The following PIGU variants were observed in gnomAD, a reference collection of about 807,000 sequenced individuals.
The protein encoded by PIGU is phosphatidylinositol glycan anchor biosynthesis class U.
PIGU carries 24 observed loss-of-function variants against 49.9 expected under a neutral mutation model. That is an observed-to-expected ratio of 0.48 (90% CI 0.35 to 0.68). The LOEUF (loss-of-function observed/expected upper bound fraction) is 0.68. Ranked by LOEUF, PIGU falls within the 30% of genes least tolerant of loss-of-function variation. The pLI, the probability that PIGU is intolerant of heterozygous loss-of-function variation, is 0.01. For synonymous variants in PIGU, 220 were observed against 205.7 expected (o/e 1.07, Z -0.59); for missense variants, 490 against 532.6 (o/e 0.92, Z 0.79).
chr20:34,650,658 C>CTCTTATTA (rs1986503462), intron 2 of PIGU, among the ~76,000 whole-genome samples: 1 of 126,640 alleles, frequency 7.9e-6, no homozygotes, highest in Non-Finnish European at 1.7e-5. Flanking sequence ...TTTTTTCTGT[C>CTCTTATTA]TCTTATTATG....
chr20:34,608,280 T>C (rs912972350), intron 7 of PIGU, among the ~76,000 whole-genome samples: 9 of 151,914 alleles, frequency 5.9e-5, no homozygotes, highest in Non-Finnish European at 1.3e-4. Context: ...CACCATGTTG[T>C]CCAGGCTGGT....
chr20:34,649,327 C>T (rs1600659617), intron 2 of PIGU, among the ~76,000 whole-genome samples: 1 of 152,050 alleles, frequency 6.6e-6, no homozygotes, highest in East Asian at 1.9e-4. Context: ...TGTCTCTTCT[C>T]CCATTCTAGA....
chr20:34,675,540 T>G (rs1485280547), intron 1 of PIGU, among the ~76,000 whole-genome samples: 1 of 152,224 alleles, frequency 6.6e-6, no homozygotes, highest in Non-Finnish European at 1.5e-5. Context: ...TTAACTTCTC[T>G]AAATTTCAGT....
At chr20:34,567,980 G>C (rs1044603719) in intron 11 of PIGU, among the ~76,000 whole-genome samples, 2 of 152,164 alleles carry the variant, frequency 1.3e-5, no homozygotes, top group East Asian at 1.9e-4. Flanking sequence ...AGGCTGCCCT[G>C]TCCTGCCCAT....
At chr20:34,563,047 T>A (rs1309067490) in intron 11 of PIGU, among the ~76,000 whole-genome samples, 1 of 152,186 alleles carries the variant, frequency 6.6e-6, no homozygotes, top group African/African-American at 2.4e-5. Flanking sequence ...AAAGATTAGG[T>A]TATTAGGTTG....
At chr20:34,594,634 C>T (rs987335211) in intron 7 of PIGU, among the ~76,000 whole-genome samples, 19 of 152,068 alleles carry the variant, frequency 1.2e-4, no homozygotes, top group African/African-American at 3.9e-4. Flanking sequence ...CTTAACTGGG[C>T]GTGGTGGCAG....
chr20:34,579,158 T>C (rs930177605), intron 10 of PIGU: 1 of 152,208 alleles, frequency 6.6e-6, no homozygotes, highest in African/African-American at 2.4e-5. Context: ...TATGTATATC[T>C]ATCAACATTC....
intron 6 of PIGU, among the ~76,000 whole-genome samples, chr20:34,618,920 A>C (rs1397520230): frequency 1.3e-5 from 2 of 152,250 alleles, no homozygotes; most frequent in East Asian, 3.8e-4. Context: ...TATTGATGAG[A>C]TCTTTCACCA....
chr20:34,646,334 T>C (rs751087914), intron 2 of PIGU, among the ~76,000 whole-genome samples: 19 of 152,234 alleles, frequency 1.2e-4, no homozygotes, highest in Non-Finnish European at 2.1e-4. Context: ...AAATTGTTCA[T>C]AGTATTTCAT....
chr20:34,574,147 A>G (rs555743408), intron 11 of PIGU, among the ~76,000 whole-genome samples: 1 of 152,354 alleles, frequency 6.6e-6, no homozygotes, highest in South Asian at 2.1e-4. Flanking sequence ...TTCCACTACG[A>G]GGCCAGAGCC....
chr20:34,645,294 T>C lies in PIGU; in HGVS notation c.236A>G (p.Tyr79Cys), dbSNP rs371365328. ...ACTTACCATAAACACCAATTCAGCA[T>C]AGTCAATTAGGAAATGAAAGAGGTA... ...IIYLFHFLID[Y>C]AELVFMITDA... The change falls in exon 3 of 12, where the codon TAT (tyrosine) becomes TGT (cysteine). Residue 79 changes from tyrosine to cysteine, a missense_variant. Physicochemically the swap from Tyr to Cys is radical, Grantham distance 194. Coordinates refer to ENST00000217446, the MANE Select transcript of PIGU (RefSeq NM_080476.5). 6.3e-6 allele frequency: 10 copies of C among 1,578,500 alleles called. No individual in the cohort carries two copies. In the African/African-American group the frequency reaches 9.7e-5, roughly 15 times the overall value.
chr20:34,582,334 T>C (rs1049333841), intron 9 of PIGU, among the ~76,000 whole-genome samples: 7 of 152,332 alleles, frequency 4.6e-5, no homozygotes, highest in South Asian at 2.1e-4. Context: ...GTAAAGTCCT[T>C]TTCCTGCATC....
rs1349026985 is a variant in PIGU at position 34,654,544 on chromosome 20, T to C, written c.195+2636A>G. On this transcript the variant is annotated intron_variant, in intron 2 of 11. Coordinates refer to ENST00000217446, the MANE Select transcript of PIGU (RefSeq NM_080476.5). ...ACCTGTTTCTGCCAGTAGTTCTTGT[T>C]ATTGCAGTTTGATTAGATATTAACC... Among the ~76,000 whole-genome samples the C allele has an allele frequency of 1.7e-5, 2 of 118,732 alleles. 1 individual carries two copies. The highest frequency in any genetic ancestry group is 3.6e-5 in the Non-Finnish European group (2 of 55,886). 77.9% of individuals were successfully genotyped at this position (118,732 alleles called of 152,430 possible).
intron 11 of PIGU, among the ~76,000 whole-genome samples, chr20:34,561,373 C>G (rs1017592250): frequency 3.3e-5 from 5 of 152,204 alleles, no homozygotes; most frequent in African/African-American, 1.2e-4. Context: ...TCCATGCCCC[C>G]ATCTTCCAGC....
chr20:34,669,064 T>C (rs893798096), intron 1 of PIGU, among the ~76,000 whole-genome samples: 3 of 151,678 alleles, frequency 2.0e-5, no homozygotes, highest in Non-Finnish European at 4.4e-5. Context: ...TTTTTTAATT[T>C]TATGTAGAGA....
At chr20:34,629,018 C>CT (rs112907819) in intron 6 of PIGU, among the ~76,000 whole-genome samples, 92 of 141,238 alleles carry the variant, frequency 6.5e-4, no homozygotes, top group South Asian at 1.2e-3. Context: ...CCATGTGTAA[C>CT]TTTTTTTTTT....
At chr20:34,659,306 G>A (rs1435071096) in intron 1 of PIGU, among the ~76,000 whole-genome samples, 1 of 144,618 alleles carries the variant, frequency 6.9e-6, no homozygotes, top group Non-Finnish European at 1.5e-5. Flanking sequence ...GAGGTGGGGG[G>A]GTCAGCCCCC....
intron 7 of PIGU, among the ~76,000 whole-genome samples, chr20:34,590,587 A>ATAACG (rs1983919529): frequency 7.1e-6 from 1 of 140,642 alleles, no homozygotes; most frequent in African/African-American, 2.7e-5. Flanking sequence ...GTAACATAAC[A>ATAACG]TAACATAACA....
At chr20:34,587,391 TG>T (rs1212401039) in intron 8 of PIGU, among the ~76,000 whole-genome samples, 1 of 152,236 alleles carries the variant, frequency 6.6e-6, no homozygotes, top group African/African-American at 2.4e-5. Context: ...TACGAATTTA[TG>T]GGTGATTTTA....
Sources: gnomAD v4.1 joint callset for allele counts (sites outside exome capture counted in the v4.1 genomes callset) on GRCh38, gnomAD v4.1.1 for gene constraint, MANE v1.5 for transcripts, NCBI Gene and HGNC (gene_info 2026-07-23, HGNC 2026-07-21) for gene names.